Variants in RBFOX2 observed in about 807,000 individuals in gnomAD.
RBFOX2 encodes the protein RNA binding fox-1 homolog 2.
RBFOX2 carries 10 observed loss-of-function variants against 49.1 expected under a neutral mutation model. The ratio of observed to expected loss-of-function variants is 0.20; its 90% CI spans 0.13 to 0.35. The LOEUF (loss-of-function observed/expected upper bound fraction) is 0.35, where lower values mean the gene tolerates loss of function less well. Among genes scored for constraint, RBFOX2 ranks in the 10% least tolerant of loss-of-function variants. RBFOX2 has a pLI of 1.00. For missense variants in RBFOX2, 323 were observed against 486.9 expected, an observed-to-expected ratio of 0.66 and a Z score of 3.17; for synonymous variants, 183 against 187.4, an observed-to-expected ratio of 0.98 and a Z score of 0.19.
chr22:35,767,225 G>A (rs996944971), intron 5 of RBFOX2, among the ~76,000 whole-genome samples: 2 of 152,068 alleles, frequency 1.3e-5, no homozygotes, highest in Non-Finnish European at 2.9e-5. Context: ...ATAAAAGGGG[G>A]AAAGGAAAAG....
At chr22:35,970,161 C>G (rs1449662234) in intron 1 of RBFOX2, among the ~76,000 whole-genome samples, 1 of 152,192 alleles carries the variant, frequency 6.6e-6, no homozygotes, top group Non-Finnish European at 1.5e-5. Flanking sequence ...CTAAGACTCA[C>G]TCAAGAAGGG....
chr22:35,949,721 A>C (rs1454867173), intron 1 of RBFOX2, among the ~76,000 whole-genome samples: 1 of 152,096 alleles, frequency 6.6e-6, no homozygotes, highest in Non-Finnish European at 1.5e-5. Flanking sequence ...TCTTTGGAGA[A>C]ATGTGTATTC....
intron 1 of RBFOX2, among the ~76,000 whole-genome samples, chr22:35,990,367 A>G (rs2057923622): frequency 6.6e-6 from 1 of 152,196 alleles, no homozygotes; most frequent in East Asian, 1.9e-4. Flanking sequence ...AAGGACGACA[A>G]AGTCGAAACA....
At chr22:35,864,425 A>G (rs564368468) in intron 1 of RBFOX2, among the ~76,000 whole-genome samples, 15 of 152,348 alleles carry the variant, frequency 9.8e-5, no homozygotes, top group Admixed American at 2.6e-4. Context: ...GTTGAAAACA[A>G]TGATGACAAC....
Position 35,753,771 on chromosome 22 carries a change from CTTTTTTTTTTT to C in RBFOX2, c.887+6106_887+6116del, listed in dbSNP as rs869178693. Among the ~76,000 whole-genome samples, 9 of 54,470 alleles carry C rather than the reference CTTTTTTTTTTT, an allele frequency of 1.7e-4. No homozygotes were observed. In the South Asian group the frequency reaches 4.9e-3, roughly 30 times the overall value. 35.7% of individuals were successfully genotyped at this position (54,470 alleles called of 152,430 possible). A position where few individuals can be genotyped will look rare whatever the true frequency, so the allele number is the denominator to read the frequency against. On this transcript the variant is annotated intron_variant, in intron 9 of 11. Coordinates refer to ENST00000405409, the Ensembl canonical transcript of RBFOX2. ...CTTAACAAGTTTGAAGTAGACAAGT[CTTTTTTTTTTT>C]TTTTTTTTTTTTTTTTTTGAGACGA...
chr22:35,781,701 G>T (rs1171976759), exon 3 of RBFOX2: 2 of 1,614,062 alleles, frequency 1.2e-6, no homozygotes, highest in East Asian at 4.5e-5. Flanking sequence ...TCACTACTTT[G>T]TGTCTGTGAC....
At chr22:35,977,996 G>A (rs942146813) in intron 1 of RBFOX2, among the ~76,000 whole-genome samples, 2 of 151,808 alleles carry the variant, frequency 1.3e-5, no homozygotes, top group African/African-American at 2.4e-5. Context: ...AAACTCTAGG[G>A]AGATTAGGAA....
rs1218657286 is a variant in RBFOX2 at position 36,020,334 on chromosome 22, A to C, written c.186+7906T>G. On this transcript the variant is annotated intron_variant, in intron 1 of 13. Coordinates refer to the RBFOX2 transcript ENST00000438146. ...AGGCAATACCATTCAGGACATAGGCATGGGCAAGGACTTCATGACTAAAAC... is the reference window on the plus strand; with the variant it reads ...AGGCAATACCATTCAGGACATAGGCCTGGGCAAGGACTTCATGACTAAAAC... 3.3e-5 allele frequency among the ~76,000 whole-genome samples: 5 copies of C among 152,344 alleles called. No individual in the cohort carries two copies. The East Asian group carries it at 9.6e-4, about 29-fold the overall frequency.
At chr22:35,832,019 C>T (rs1956897561) in intron 1 of RBFOX2, among the ~76,000 whole-genome samples, 1 of 152,084 alleles carries the variant, frequency 6.6e-6, no homozygotes, top group Admixed American at 6.5e-5. Flanking sequence ...AGGTAATATC[C>T]CTTCATTTTT....
intron 1 of RBFOX2, among the ~76,000 whole-genome samples, chr22:35,967,680 G>A (rs1432839526): frequency 1.3e-5 from 2 of 152,026 alleles, no homozygotes; most frequent in Non-Finnish European, 2.9e-5. Context: ...TTTGACATTG[G>A]AGCCCAAAAA....
intron 2 of RBFOX2, among the ~76,000 whole-genome samples, chr22:35,803,979 G>A (rs1169598169): frequency 6.6e-6 from 1 of 152,162 alleles, no homozygotes; most frequent in Non-Finnish European, 1.5e-5. Flanking sequence ...AGAACACCAA[G>A]TATTTTAATT....
chr22:35,919,824 A>G (rs982370035), intron 1 of RBFOX2, among the ~76,000 whole-genome samples: 12 of 152,204 alleles, frequency 7.9e-5, no homozygotes, highest in African/African-American at 2.9e-4. Flanking sequence ...GCTCCTTCCT[A>G]TCAATGATTC....
At chr22:36,025,145 A>C (rs141228308) in intron 1 of RBFOX2, among the ~76,000 whole-genome samples, 1 of 152,134 alleles carries the variant, frequency 6.6e-6, no homozygotes, top group African/African-American at 2.4e-5. Flanking sequence ...GGGCCTATAG[A>C]TATTTCTAAA....
chr22:35,847,415 T>G (rs964476268), intron 1 of RBFOX2, among the ~76,000 whole-genome samples: 1 of 152,202 alleles, frequency 6.6e-6, no homozygotes, highest in Non-Finnish European at 1.5e-5. Flanking sequence ...ATGTCCTCCA[T>G]AACGTCCAAC....
chr22:35,932,322 A>G (rs1464259066), intron 1 of RBFOX2, among the ~76,000 whole-genome samples: 1 of 152,178 alleles, frequency 6.6e-6, no homozygotes, highest in Non-Finnish European at 1.5e-5. Context: ...GGTTAGAAAA[A>G]AGAAAAAAAA....
chr22:35,988,423 T>C (rs1299527258), intron 1 of RBFOX2, among the ~76,000 whole-genome samples: 8 of 152,200 alleles, frequency 5.3e-5, no homozygotes, highest in African/African-American at 1.9e-4. Context: ...AAATAGGCTC[T>C]TATAATACAG....
chr22:35,933,120 A>G (rs1420600879), intron 1 of RBFOX2, among the ~76,000 whole-genome samples: 1 of 152,206 alleles, frequency 6.6e-6, no homozygotes, highest in African/African-American at 2.4e-5. Flanking sequence ...AGGGAAATAC[A>G]AGACATGGAG....
chr22:36,007,014 G>A (rs1397587049), intron 1 of RBFOX2, among the ~76,000 whole-genome samples: 1 of 152,158 alleles, frequency 6.6e-6, no homozygotes, highest in Admixed American at 6.5e-5. Context: ...TGCATGTCTA[G>A]CTAGGGGACA....
chr22:36,000,670 T>C (rs916534239), intron 1 of RBFOX2, among the ~76,000 whole-genome samples: 97 of 152,240 alleles, frequency 6.4e-4, no homozygotes, highest in Non-Finnish European at 1.1e-3. Context: ...TCTCCTGTGA[T>C]AGGAAAAAAG....
Sources: gnomAD v4.1 joint callset for allele counts (sites outside exome capture counted in the v4.1 genomes callset) on GRCh38, gnomAD v4.1.1 for gene constraint, MANE v1.5 for transcripts, NCBI Gene and HGNC (gene_info 2026-07-23, HGNC 2026-07-21) for gene names.